Variants in MYH9 observed in about 807,000 individuals in gnomAD.
MYH9 encodes the protein myosin-9.
Under a neutral mutation model 241.9 loss-of-function variants are expected in MYH9, and 29 were observed. That is an observed-to-expected ratio of 0.12 (90% confidence interval 0.09 to 0.16). The LOEUF is 0.16. Among genes scored for constraint, MYH9 ranks in the 10% least tolerant of loss-of-function variants. MYH9 has a pLI of 1.00. For missense variants in MYH9, 1,803 were observed against 2,595.5 expected (o/e 0.69, Z 6.63); for synonymous variants, 1,047 against 1,062.6 (o/e 0.99, Z 0.29).
At chr22:36,354,782 G>C (rs2017826279) in intron 1 of MYH9, among the ~76,000 whole-genome samples, 1 of 151,930 alleles carries the variant, frequency 6.6e-6, no homozygotes, top group Non-Finnish European at 1.5e-5. Context: ...CCCAGGAGTG[G>C]AGTTACGGGA....
At chr22:36,367,660 A>T (rs2018031133) in intron 1 of MYH9, among the ~76,000 whole-genome samples, 1 of 152,192 alleles carries the variant, frequency 6.6e-6, no homozygotes, top group Non-Finnish European at 1.5e-5. Context: ...GACCTTACCA[A>T]GTCCTTCCCC....
At chr22:36,296,527 T>G (rs2016790166) in intron 25 of MYH9, among the ~76,000 whole-genome samples, 2 of 146,774 alleles carry the variant, frequency 1.4e-5, no homozygotes, top group South Asian at 4.4e-4. Flanking sequence ...TGAGCCAACG[T>G]GCCTGGTCAA....
intron 1 of MYH9, among the ~76,000 whole-genome samples, chr22:36,354,390 T>G (rs759787623): frequency 6.6e-5 from 10 of 151,082 alleles, no homozygotes; most frequent in Non-Finnish European, 1.3e-4. Context: ...TCTCAAGTGT[T>G]TTTTTCTTTT....
intron 1 of MYH9, among the ~76,000 whole-genome samples, chr22:36,375,959 T>TC (rs1252182120): frequency 2.2e-5 from 3 of 139,262 alleles, no homozygotes; most frequent in Non-Finnish European, 4.7e-5. Flanking sequence ...TAATTTCTTT[T>TC]TTTTTTTTTT....
chr22:36,308,405 C>T (rs1424195724), intron 15 of MYH9, among the ~76,000 whole-genome samples: 2 of 151,754 alleles, frequency 1.3e-5, no homozygotes, highest in East Asian at 3.9e-4. Context: ...GCTGGGACTA[C>T]AGGCATGCAC....
rs1399509944 is a variant in MYH9, at chr22:36,295,099, A to G, written c.3486-23T>C. On this transcript the variant is annotated intron_variant, in intron 26 of 40. Transcript: ENST00000216181. The surrounding 1 kb of genome is among the most constrained non-coding windows in gnomAD (Gnocchi z 4.1). ...GACCTGGACAGAGAAATCCCCTCAG[A>G]GTGGAGGCCGGGGATGCTGGAGCGA... 1.2e-6 allele frequency: 2 copies of G among 1,613,928 alleles called. No homozygotes were observed. The highest frequency in any genetic ancestry group is 1.7e-6 in the Non-Finnish European group (2 of 1,180,012).
chr22:36,297,319 T>C (rs1451219252), intron 24 of MYH9: 3 of 399,796 alleles, frequency 7.5e-6, no homozygotes, highest in Non-Finnish European at 1.4e-5. Context: ...TCTGTATCTC[T>C]AAAAAACATG....
Position 36,295,820 on chromosome 22 carries a change from C to T in MYH9, c.3273-103G>A. The T allele has an allele frequency of 6.5e-6, 7 of 1,077,044 alleles. No individual in the cohort carries two copies. The highest frequency in any genetic ancestry group is 9.6e-6 in the Non-Finnish European group (7 of 726,066). 66.7% of individuals were successfully genotyped at this position (1,077,044 alleles called of 1,614,324 possible). A position where few individuals can be genotyped will look rare whatever the true frequency, so the allele number is the denominator to read the frequency against. On this transcript the variant is annotated intron_variant, in intron 25 of 40. Coordinates refer to ENST00000216181, the MANE Select transcript of MYH9 (RefSeq NM_002473.6). The surrounding 1 kb of genome is among the most constrained non-coding windows in gnomAD (Gnocchi z 4.1). ...GAGCTGCAGCAGCCAAAGCTGCCTC[C>T]TGTGGTCACAATCATGGCACTTAGG...
At chr22:36,347,254 G>C (rs2017691465) in intron 2 of MYH9, among the ~76,000 whole-genome samples, 5 of 151,928 alleles carry the variant, frequency 3.3e-5, no homozygotes, top group Non-Finnish European at 7.4e-5. Context: ...CTGATCTGCT[G>C]CATGTGCTGG....
chr22:36,290,966 A>G (rs1210003368), intron 31 of MYH9, among the ~76,000 whole-genome samples: 2 of 140,208 alleles, frequency 1.4e-5, no homozygotes, highest in African/African-American at 2.7e-5. Flanking sequence ...GCCCCGTCTG[A>G]GAGGTGAGGA....
chr22:36,362,914 A>G (rs1276561820), intron 1 of MYH9, among the ~76,000 whole-genome samples: 1 of 152,100 alleles, frequency 6.6e-6, no homozygotes. Flanking sequence ...TACAGCCTTT[A>G]TAACCCCACC....
At position 36,293,176 on chromosome 22, in the gene MYH9, G is replaced by C. The variant is rs967130747; in HGVS notation, c.4095+153C>G. Reference sequence around the variant, plus strand: ...CAGATCCCTGGATTCCTTTCCTTGAGAGCACTGATGTGGGAGAGCACGGTT... The same window carrying C: ...CAGATCCCTGGATTCCTTTCCTTGACAGCACTGATGTGGGAGAGCACGGTT... On this transcript the variant is annotated intron_variant, in intron 30 of 40. Coordinates refer to ENST00000216181, the MANE Select transcript of MYH9 (RefSeq NM_002473.6). The surrounding 1 kb of genome is among the most constrained non-coding windows in gnomAD (Gnocchi z 5.1). Among the ~76,000 whole-genome samples, 16 of 152,252 alleles carry C rather than the reference G, an allele frequency of 1.1e-4. No individual in the cohort carries two copies. Among genetic ancestry groups the C allele is most frequent in the Non-Finnish European group, 2.1e-4 (14 of 68,052 alleles).
intron 12 of MYH9, among the ~76,000 whole-genome samples, chr22:36,314,776 G>C (rs1240001346): frequency 6.6e-6 from 1 of 152,096 alleles, no homozygotes; most frequent in Admixed American, 6.5e-5. Context: ...AGCCTCCCTA[G>C]TAGCTGGGAC....
At chr22:36,298,598 C>A (rs1295197765) in intron 24 of MYH9, among the ~76,000 whole-genome samples, 1 of 152,090 alleles carries the variant, frequency 6.6e-6, no homozygotes, top group Non-Finnish European at 1.5e-5. Context: ...CCCGGAGCCT[C>A]CTAGGAAGTC....
Position 36,306,028 on chromosome 22 carries a change from G to C in MYH9, c.2061C>G (p.Leu687=). 6.2e-7 allele frequency: 1 copy of C among 1,613,322 alleles called. No individual in the cohort carries two copies. Among genetic ancestry groups the C allele is most frequent in the South Asian group, 1.1e-5 (1 of 91,082 alleles). ...CGTTGCAGCGCAGCTGGTCCAGCAC[G>C]AGATGCGGGTCCAGCTTGCCGGCCT... ...EKKAGKLDPH[L]VLDQLRCNGV... Residue 687 remains leucine (L), a synonymous_variant, in exon 17 of 41, where the codon CTC becomes CTG. Transcript: ENST00000216181. The surrounding 1 kb of genome is among the most constrained non-coding windows in gnomAD (Gnocchi z 4.1).
At position 36,287,011 on chromosome 22, in the gene MYH9, T is replaced by A. The variant is rs889539435; in HGVS notation, c.4933-165A>T. On this transcript the variant is annotated intron_variant, in intron 34 of 40. Coordinates refer to ENST00000216181, the MANE Select transcript of MYH9 (RefSeq NM_002473.6). ...GCAAAAAGGCAACTAAAGACAATCATCTGTGTATCCCACCCCGTAATGCAC... is the reference window on the plus strand; with the variant it reads ...GCAAAAAGGCAACTAAAGACAATCAACTGTGTATCCCACCCCGTAATGCAC... 5.6e-6 allele frequency: 5 copies of A among 898,466 alleles called. No homozygotes were observed. The African/African-American group carries it at 8.2e-5, about 15-fold the overall frequency. 55.7% of individuals were successfully genotyped at this position (898,466 alleles called of 1,614,324 possible). A position where few individuals can be genotyped will look rare whatever the true frequency, so the allele number is the denominator to read the frequency against.
chr22:36,287,077 G>A (rs1321929913), intron 34 of MYH9, among the ~76,000 whole-genome samples: 2 of 152,228 alleles, frequency 1.3e-5, no homozygotes, highest in Non-Finnish European at 2.9e-5. Context: ...AGCCCAAGCT[G>A]AGCTTCATTT....
rs2016500004 is a variant in MYH9, at chr22:36,282,133, T to C, written c.*535A>G. 3.8e-6 allele frequency: 1 copy of C among 265,266 alleles called. No individual in the cohort carries two copies. Among genetic ancestry groups the C allele is most frequent in the African/African-American group, 2.2e-5 (1 of 45,982 alleles). The allele number at this position is 265,266 out of a possible 1,614,324, so 16.4% of individuals were successfully genotyped here. A position where few individuals can be genotyped will look rare whatever the true frequency, so the allele number is the denominator to read the frequency against. On this transcript the variant is annotated 3_prime_UTR_variant, in exon 41 of 41. Coordinates refer to ENST00000216181, the MANE Select transcript of MYH9 (RefSeq NM_002473.6). ...GTGGAGGCCCAGGGCCTGCTCCTTC[T>C]GGACCGCCCAGAGCCATGGGAGTGG...
chr22:36,385,084 TTACGACGACACACAGATTTTG>T (rs2018330815), intron 1 of MYH9, among the ~76,000 whole-genome samples: 1 of 152,104 alleles, frequency 6.6e-6, no homozygotes, highest in East Asian at 1.9e-4. Context: ...GTTTGTTTAA[TTACGACGACACACAGATTTTG>T]TTATTCTAAA....
Sources: gnomAD v4.1 joint callset for allele counts (sites outside exome capture counted in the v4.1 genomes callset) on GRCh38, gnomAD v4.1.1 for gene constraint, Gnocchi (gnomAD v3.1) non-coding constraint, MANE v1.5 for transcripts, NCBI Gene and HGNC (gene_info 2026-07-23, HGNC 2026-07-21) for gene names.